Variants in ULK4 observed in about 807,000 individuals in gnomAD.
The protein encoded by ULK4 is unc-51 like kinase 4.
Under a neutral mutation model 160.6 loss-of-function variants are expected in ULK4, and 133 were observed. The observed-to-expected ratio is 0.83, with a 90% CI of 0.72 to 0.96. The LOEUF (loss-of-function observed/expected upper bound fraction) is 0.96, where lower values mean the gene tolerates loss of function less well. Ranked by LOEUF, ULK4 falls within the 40% of genes least tolerant of loss-of-function variation. The pLI, the probability that ULK4 is intolerant of heterozygous loss-of-function variation, is 0.00. For missense variants in ULK4, 1,580 were observed against 1,499.5 expected (o/e 1.05, Z -0.89); for synonymous variants, 534 against 539.8 (o/e 0.99, Z 0.15).
At chr3:41,352,975 G>A (rs1436375492) in intron 35 of ULK4, among the ~76,000 whole-genome samples, 1 of 152,132 alleles carries the variant, frequency 6.6e-6, no homozygotes, top group Non-Finnish European at 1.5e-5. Flanking sequence ...CAGTACCCAT[G>A]GACCTGAGAA....
intron 36 of ULK4, among the ~76,000 whole-genome samples, chr3:41,247,654 G>A (rs564575856): frequency 6.6e-6 from 1 of 152,322 alleles, no homozygotes; most frequent in South Asian, 2.1e-4. Flanking sequence ...CAGTGGGATG[G>A]GGCCATGACC....
intron 30 of ULK4, among the ~76,000 whole-genome samples, chr3:41,639,636 G>A (rs1470989477): frequency 6.6e-6 from 1 of 152,158 alleles, no homozygotes; most frequent in Admixed American, 6.5e-5. Flanking sequence ...GCTGAGACAG[G>A]AGAATCACTT....
intron 35 of ULK4, among the ~76,000 whole-genome samples, chr3:41,385,317 C>T (rs998880166): frequency 4.0e-5 from 6 of 151,846 alleles, no homozygotes; most frequent in African/African-American, 1.5e-4. Flanking sequence ...TCAATGGCAA[C>T]AGAAACTTGA....
At chr3:41,467,032 C>G (rs938038074) in intron 32 of ULK4, among the ~76,000 whole-genome samples, 5 of 152,064 alleles carry the variant, frequency 3.3e-5, no homozygotes, top group African/African-American at 1.2e-4. Flanking sequence ...TAATTATAAT[C>G]TAAAAAACTA....
At chr3:41,672,378 A>G (rs541352371) in intron 29 of ULK4, among the ~76,000 whole-genome samples, 1 of 152,330 alleles carries the variant, frequency 6.6e-6, no homozygotes, top group South Asian at 2.1e-4. Flanking sequence ...ACAAAAAAGA[A>G]TGAAATCATG....
chr3:41,937,296 T>C, intron 3 of ULK4: 2 of 688,774 alleles, frequency 2.9e-6, no homozygotes, highest in Non-Finnish European at 5.3e-6. Context: ...CTTGATAACC[T>C]TGTCCATGTG....
chr3:41,922,804 A>G (rs543695771), intron 5 of ULK4, among the ~76,000 whole-genome samples: 3 of 152,296 alleles, frequency 2.0e-5, no homozygotes, highest in Admixed American at 6.5e-5. Flanking sequence ...AGAGAAAGGG[A>G]AAGAAGATTA....
At chr3:41,558,058 C>T (rs2087370278) in intron 32 of ULK4, among the ~76,000 whole-genome samples, 1 of 152,112 alleles carries the variant, frequency 6.6e-6, no homozygotes, top group South Asian at 2.1e-4. Flanking sequence ...TTCTCAGTAT[C>T]TACAAAACTT....
At chr3:41,712,203 A>C (rs1456716812) in intron 25 of ULK4, among the ~76,000 whole-genome samples, 1 of 152,240 alleles carries the variant, frequency 6.6e-6, no homozygotes, top group Non-Finnish European at 1.5e-5. Flanking sequence ...AAAACAAAAA[A>C]TGTCTGTAGG....
intron 34 of ULK4, among the ~76,000 whole-genome samples, chr3:41,439,668 C>T (rs2083119022): frequency 6.6e-6 from 1 of 152,142 alleles, no homozygotes; most frequent in Non-Finnish European, 1.5e-5. Context: ...TATTAGCCCT[C>T]CAACTTTATT....
At chr3:41,408,440 A>C (rs1206725832) in intron 34 of ULK4, among the ~76,000 whole-genome samples, 1 of 151,022 alleles carries the variant, frequency 6.6e-6, no homozygotes. Flanking sequence ...AAAAAAAAAA[A>C]AAAAAAAAAA....
At chr3:41,705,736 C>T (rs2036855062) in intron 25 of ULK4, among the ~76,000 whole-genome samples, 2 of 152,092 alleles carry the variant, frequency 1.3e-5, no homozygotes, top group South Asian at 4.1e-4. Context: ...CTCAGGTGGT[C>T]CACCTGCCTC....
intron 21 of ULK4, 110 bp downstream of exon 21, chr3:41,789,551 C>T (rs918850976): frequency 6.4e-6 from 7 of 1,097,762 alleles, no homozygotes; most frequent in Non-Finnish European, 8.7e-6. Flanking sequence ...TCAAAAAGGC[C>T]TCTTGGGATA....
chr3:41,248,197 C>G (rs951768788), intron 36 of ULK4, among the ~76,000 whole-genome samples: 1 of 152,216 alleles, frequency 6.6e-6, no homozygotes, highest in Non-Finnish European at 1.5e-5. Flanking sequence ...TCAAACTCCA[C>G]TCCTCTGTGG....
chr3:41,880,762 A>G (rs1039645068), intron 17 of ULK4, among the ~76,000 whole-genome samples: 1 of 152,154 alleles, frequency 6.6e-6, no homozygotes, highest in Admixed American at 6.5e-5. Flanking sequence ...TGTCTCTACT[A>G]AAAATACAAA....
intron 34 of ULK4, among the ~76,000 whole-genome samples, chr3:41,416,499 T>C (rs1053772493): frequency 6.6e-6 from 1 of 152,204 alleles, no homozygotes; most frequent in South Asian, 2.1e-4. Context: ...TCAACTGCTA[T>C]ACCCCTCAAA....
chr3:41,884,715 G>A (rs1345772916), intron 16 of ULK4, among the ~76,000 whole-genome samples: 1 of 152,040 alleles, frequency 6.6e-6, no homozygotes, highest in Admixed American at 6.5e-5. Context: ...TGGTACCCAT[G>A]GAGGAAAACA....
intron 19 of ULK4, among the ~76,000 whole-genome samples, chr3:41,818,087 T>C (rs1201561533): frequency 6.8e-6 from 1 of 148,000 alleles, no homozygotes; most frequent in Non-Finnish European, 1.5e-5. Flanking sequence ...AGTAAAGCCA[T>C]TATAGAAAAC....
intron 5 of ULK4, among the ~76,000 whole-genome samples, chr3:41,922,627 AGGTG>A (rs1160331484): frequency 3.9e-5 from 2 of 51,736 alleles, no homozygotes; most frequent in African/African-American, 2.4e-4. Flanking sequence ...GGGGGTGGCA[AGGTG>A]GGGGGTGAGG....
Sources: allele counts gnomAD v4.1 joint callset (sites outside exome capture counted in the v4.1 genomes callset), GRCh38; gene constraint gnomAD v4.1.1; transcripts MANE v1.5; gene names NCBI Gene and HGNC (gene_info 2026-07-23, HGNC 2026-07-21).